Variants in TFDP1 observed in about 807,000 individuals in gnomAD.
The protein encoded by TFDP1 is transcription factor Dp-1, also known as DRTF1-polypeptide 1.
Under a neutral mutation model 48.0 loss-of-function variants are expected in TFDP1, and 6 were observed. That is an observed-to-expected ratio of 0.13 (90% CI 0.07 to 0.25). The LOEUF is 0.25. TFDP1 is among the 10% of genes least tolerant of loss of function. TFDP1 has a pLI of 1.00. For synonymous variants in TFDP1, 201 were observed against 211.6 expected (o/e 0.95, Z 0.44); for missense variants, 335 against 543.0 (o/e 0.62, Z 3.81).
At chr13:113,631,775 G>A in intron 5 of TFDP1, 31 bp downstream of exon 5, 30 of 1,609,812 alleles carry the variant, frequency 1.9e-5, no homozygotes, top group Non-Finnish European at 2.2e-5. Context: ...CCTTAGAGTT[G>A]TAGGACTGCT....
intron 10 of TFDP1, 86 bp downstream of exon 10, chr13:113,636,786 G>GT: frequency 2.0e-6 from 3 of 1,469,330 alleles, no homozygotes; most frequent in Non-Finnish European, 2.7e-6. Context: ...GGCTCGGGAT[G>GT]TGTCTTGCTG....
intron 8 of TFDP1, among the ~76,000 whole-genome samples, chr13:113,634,938 C>T (rs1377447874): frequency 6.6e-6 from 1 of 152,218 alleles, no homozygotes; most frequent in South Asian, 2.1e-4. Context: ...TGTGTGCATA[C>T]ATGTGTATGT....
rs192103065 is a variant in TFDP1, at chr13:113,602,777, G to A, written c.13-8219G>A. On this transcript the variant is annotated intron_variant, in intron 2 of 11. Coordinates refer to ENST00000375370, the MANE Select transcript of TFDP1 (RefSeq NM_007111.5). ...CCCTGGCGTCCCTCTCTCCAGCCCT[G>A]CCCTGGGCCTGGCTTGTGAACCTGT... 2.9e-3 allele frequency among the ~76,000 whole-genome samples: 434 copies of A among 152,270 alleles called. 2 individuals are homozygous for A. The highest frequency in any genetic ancestry group is 9.9e-3 in the African/African-American group (411 of 41,552).
chr13:113,593,252 A>G (rs2048192700), intron 2 of TFDP1, among the ~76,000 whole-genome samples: 1 of 119,290 alleles, frequency 8.4e-6, no homozygotes, highest in African/African-American at 3.4e-5. Context: ...GTCCTCAGCT[A>G]TACACAGGTG....
In TFDP1 at chr13:113,607,859, C is replaced by T. The variant is rs768387488; in HGVS notation, c.13-3137C>T. 1.3e-5 allele frequency among the ~76,000 whole-genome samples: 2 copies of T among 152,188 alleles called. No homozygotes were observed. Among genetic ancestry groups the T allele is most frequent in the African/African-American group, 2.4e-5 (1 of 41,430 alleles). On this transcript the variant is annotated intron_variant, in intron 2 of 11. Coordinates refer to ENST00000375370, the MANE Select transcript of TFDP1 (RefSeq NM_007111.5). This position sits in a 1 kb window ranked among gnomAD's most constrained non-coding sequence, Gnocchi z 5.2. Reference sequence around the variant, plus strand: ...TCCCAGCCGGAGCTGACCACCAAGTCGACGGGGCAGAGTGAGAAACATCCA... The same window carrying T: ...TCCCAGCCGGAGCTGACCACCAAGTTGACGGGGCAGAGTGAGAAACATCCA...
intron 2 of TFDP1, among the ~76,000 whole-genome samples, chr13:113,593,481 C>G (rs572722529): frequency 3.1e-4 from 44 of 141,908 alleles, no homozygotes; most frequent in Non-Finnish European, 1.5e-5. Flanking sequence ...TGCGCGGGTC[C>G]TCAGCCGTGC....
rs1450379413 is a variant in TFDP1 at position 113,641,143 on chromosome 13, G to A, written c.*876G>A. The A allele has an allele frequency of 6.6e-6, 1 of 152,528 alleles. No homozygotes were observed. The highest frequency in any genetic ancestry group is 1.5e-5 in the Non-Finnish European group (1 of 68,020). 9.4% of individuals were successfully genotyped at this position (152,528 alleles called of 1,614,324 possible). A position where few individuals can be genotyped will look rare whatever the true frequency, so the allele number is the denominator to read the frequency against. ...GTATTTGTTTCATAAGCATCTTCCT[G>A]TAATCTATTATAAAATTGAAATTAA... On this transcript the variant is annotated 3_prime_UTR_variant, in exon 12 of 12. Coordinates refer to ENST00000375370, the MANE Select transcript of TFDP1 (RefSeq NM_007111.5).
chr13:113,621,973 A>C (rs542437328), intron 3 of TFDP1, among the ~76,000 whole-genome samples: 4 of 152,210 alleles, frequency 2.6e-5, no homozygotes, highest in Non-Finnish European at 5.9e-5. Context: ...TAGCAGTAGT[A>C]AATTAGTGAA....
chr13:113,593,708 A>G (rs1195466242), intron 2 of TFDP1, among the ~76,000 whole-genome samples: 123 of 59,816 alleles, frequency 2.1e-3, no homozygotes, highest in South Asian at 2.5e-3. Context: ...GGTGTGGTGT[A>G]CGTGGGTCCT....
chr13:113,602,999 A>C (rs2099548633), intron 2 of TFDP1, among the ~76,000 whole-genome samples: 1 of 149,786 alleles, frequency 6.7e-6, no homozygotes, highest in African/African-American at 2.5e-5. Context: ...TATAATTTAC[A>C]AATTTGTGTT....
intron 2 of TFDP1, among the ~76,000 whole-genome samples, chr13:113,610,677 A>T (rs1182164893): frequency 1.3e-5 from 2 of 152,248 alleles, no homozygotes; most frequent in Non-Finnish European, 2.9e-5. Flanking sequence ...ACACTTAAAT[A>T]GAATGTGTTT....
intron 4 of TFDP1, among the ~76,000 whole-genome samples, chr13:113,630,134 A>T (rs1323419242): frequency 6.7e-6 from 1 of 149,640 alleles, no homozygotes; most frequent in East Asian, 2.0e-4. Context: ...TGGATCTCCC[A>T]CGTGGCCCAG....
chr13:113,632,802 A>G (rs1462178713), intron 5 of TFDP1, among the ~76,000 whole-genome samples: 1 of 152,200 alleles, frequency 6.6e-6, no homozygotes, highest in Admixed American at 6.5e-5. Flanking sequence ...CAACAAAAAG[A>G]AAAGTGGTGC....
Position 113,623,393 on chromosome 13 carries a change from T to C in TFDP1, c.186+107T>C. 1 of 1,055,338 alleles carries C rather than the reference T, an allele frequency of 9.5e-7. No homozygotes were observed. The highest frequency in any genetic ancestry group is 2.1e-5 in the Admixed American group (1 of 46,744). The allele number at this position is 1,055,338 out of a possible 1,614,324, so 65.4% of individuals were successfully genotyped here. On this transcript the variant is annotated intron_variant, in intron 4 of 11. Transcript: ENST00000375370. The surrounding 1 kb of genome is among the most constrained non-coding windows in gnomAD (Gnocchi z 5.2). ...AGGTGTGCCTGGATTTGGGCTCCAGTTGCAGCATGGGGCCTTTCCCTCATC... is the reference window on the plus strand; with the variant it reads ...AGGTGTGCCTGGATTTGGGCTCCAGCTGCAGCATGGGGCCTTTCCCTCATC...
Position 113,584,790 on chromosome 13 carries a change from C to CCG in TFDP1, c.-163_-162insCG, listed in dbSNP as rs1384512808. 35 of 146,220 alleles carry CCG rather than the reference C, an allele frequency of 2.4e-4. No homozygotes were observed. The highest frequency in any genetic ancestry group is 1.2e-4 in the Non-Finnish European group (8 of 65,840). 9.1% of individuals were successfully genotyped at this position (146,220 alleles called of 1,614,324 possible). A position where few individuals can be genotyped will look rare whatever the true frequency, so the allele number is the denominator to read the frequency against. On this transcript the variant is annotated 5_prime_UTR_variant, in exon 1 of 12. Transcript: ENST00000375370. ...GCAGGGACCCCGCCACGGCCGGGAC[C>CCG]GCCCGGCCCGGCCCCAGCCCGCGCC...
chr13:113,628,133 G>A (rs1483049921), intron 4 of TFDP1, among the ~76,000 whole-genome samples: 1 of 152,160 alleles, frequency 6.6e-6, no homozygotes, highest in East Asian at 1.9e-4. Flanking sequence ...CTGAAGCTGT[G>A]TAAAGACTAT....
chr13:113,617,117 C>T (rs1450574004), intron 3 of TFDP1, among the ~76,000 whole-genome samples: 1 of 152,152 alleles, frequency 6.6e-6, no homozygotes, highest in Non-Finnish European at 1.5e-5. Flanking sequence ...TTCTCAGGAG[C>T]GGGTCCTGCT....
chr13:113,616,134 C>T (rs974817314), intron 3 of TFDP1, among the ~76,000 whole-genome samples: 1 of 147,856 alleles, frequency 6.8e-6, no homozygotes. Flanking sequence ...ACCCTGTAGG[C>T]GGAGGTTGCA....
chr13:113,626,154 G>T (rs555609159), intron 4 of TFDP1, among the ~76,000 whole-genome samples: 36 of 152,054 alleles, frequency 2.4e-4, no homozygotes, highest in African/African-American at 8.5e-4. Context: ...TGTCTCTCAG[G>T]TGTCCCCAGG....
Sources: allele counts gnomAD v4.1 joint callset (sites outside exome capture counted in the v4.1 genomes callset), GRCh38; gene constraint gnomAD v4.1.1; non-coding constraint Gnocchi (gnomAD v3.1); transcripts MANE v1.5; gene names NCBI Gene and HGNC (gene_info 2026-07-23, HGNC 2026-07-21).